The following METTL9 variants were observed in gnomAD, a reference collection of about 807,000 sequenced individuals.
The protein encoded by METTL9 is methyltransferase 9, His-X-His N1(pi)-histidine.
In METTL9, 10 loss-of-function variants were observed where a neutral mutation model predicts 36.0. That is an observed-to-expected ratio of 0.28 (90% CI 0.17 to 0.47). The LOEUF (loss-of-function observed/expected upper bound fraction) is 0.47, where lower values mean the gene tolerates loss of function less well. Among genes scored for constraint, METTL9 ranks in the 20% least tolerant of loss-of-function variants. METTL9 has a pLI of 0.99. For missense variants in METTL9, 246 were observed against 383.5 expected (o/e 0.64, Z 3.00); for synonymous variants, 175 against 149.7 (o/e 1.17, Z -1.23).
At chr16:21,619,911 T>C (rs866771702) in intron 3 of METTL9, among the ~76,000 whole-genome samples, 36 of 152,182 alleles carry the variant, frequency 2.4e-4, no homozygotes, top group African/African-American at 8.7e-4. Flanking sequence ...CACTTTCCTA[T>C]CCACATGTTT....
rs1965901537 is a variant in METTL9, at chr16:21,629,725, A to G, written c.751+4610A>G. ...AAAGAACAAAGCTTCCTCAGCATGG[A>G]TGGGGACCCAGCAGGTTGGTGCTGC... is the stretch of plus-strand genomic sequence containing the variant. On this transcript the variant is annotated intron_variant, in intron 4 of 4. Coordinates refer to ENST00000358154, the MANE Select transcript of METTL9 (RefSeq NM_016025.5). Among the ~76,000 whole-genome samples, 3 of 152,146 alleles carry G rather than the reference A, an allele frequency of 2.0e-5. No individual in the cohort carries two copies. In the South Asian group the frequency reaches 6.2e-4, roughly 32 times the overall value.
intron 2 of METTL9, 139 bp downstream of exon 2, chr16:21,612,974 G>T (rs1965463295): frequency 2.8e-6 from 2 of 712,078 alleles, no homozygotes; most frequent in South Asian, 4.4e-5. Flanking sequence ...TTGGCAGTTG[G>T]TCCAGCGTTC....
chr16:21,621,728 AAAACT>A (rs1370474462), intron 3 of METTL9, among the ~76,000 whole-genome samples: 5 of 152,312 alleles, frequency 3.3e-5, no homozygotes, highest in South Asian at 2.1e-4. Flanking sequence ...ACCCAATTGT[AAAACT>A]AAAGGATGTG....
chr16:21,652,703 A>G, intron 4 of METTL9: 1 of 786,684 alleles, frequency 1.3e-6, no homozygotes, highest in Non-Finnish European at 2.1e-6. Context: ...TTATGAAGGA[A>G]CCATAATCAG....
intron 2 of METTL9, 79 bp from the exon 3 acceptor site, chr16:21,617,786 C>T (rs1038323398): frequency 8.1e-7 from 1 of 1,239,248 alleles, no homozygotes. Flanking sequence ...TGCTGAGTCA[C>T]TATATTCACT....
In METTL9 at chr16:21,656,601, C is replaced by T. The variant is rs1401041630; in HGVS notation, c.*1169C>T. 1 of 152,150 alleles carries T rather than the reference C, an allele frequency of 6.6e-6. No homozygotes were observed. 9.4% of individuals were successfully genotyped at this position (152,150 alleles called of 1,614,324 possible). A position where few individuals can be genotyped will look rare whatever the true frequency, so the allele number is the denominator to read the frequency against. ...GAGCATTTAACCCAGAATCTGAAAT[C>T]TCAGTAATAACAGAAATGTCAATAT... On this transcript the variant is annotated 3_prime_UTR_variant, in exon 5 of 5. Transcript: ENST00000358154.
chr16:21,625,143 TACTG>T, intron 4 of METTL9, 28 bp downstream of exon 4: 1 of 1,607,184 alleles, frequency 6.2e-7, no homozygotes, highest in Non-Finnish European at 8.5e-7. Context: ...GGCTAGCTCT[TACTG>T]AGGATAGCTG....
At chr16:21,627,995 T>G (rs1471228459) in intron 4 of METTL9, among the ~76,000 whole-genome samples, 6 of 152,120 alleles carry the variant, frequency 3.9e-5, no homozygotes, top group Non-Finnish European at 8.8e-5. Flanking sequence ...CCAGTCCAGT[T>G]CCACAATCTT....
At chr16:21,624,185 C>T (rs1414555171) in intron 3 of METTL9, among the ~76,000 whole-genome samples, 1 of 152,130 alleles carries the variant, frequency 6.6e-6, no homozygotes, top group Non-Finnish European at 1.5e-5. Context: ...TATACCACTC[C>T]CAGCCATTTT....
intron 4 of METTL9, 144 bp downstream of exon 4, chr16:21,625,259 C>T (rs1401787164): frequency 3.4e-6 from 3 of 883,960 alleles, no homozygotes; most frequent in Non-Finnish European, 5.3e-6. Context: ...CCATGTAAAA[C>T]ACCATCTTGG....
chr16:21,645,770 C>T (rs1302104067), intron 4 of METTL9, among the ~76,000 whole-genome samples: 1 of 152,214 alleles, frequency 6.6e-6, no homozygotes, highest in Non-Finnish European at 1.5e-5. Context: ...ACATACAAAT[C>T]TCTAAAGCTG....
chr16:21,613,111 G>T (rs1965468306), intron 2 of METTL9, among the ~76,000 whole-genome samples: 1 of 146,086 alleles, frequency 6.8e-6, no homozygotes. Context: ...TCACCTGGGG[G>T]TCTTGTTAAA....
intron 4 of METTL9, among the ~76,000 whole-genome samples, chr16:21,633,704 C>T (rs946071025): frequency 1.3e-5 from 2 of 152,126 alleles, no homozygotes; most frequent in African/African-American, 2.4e-5. Context: ...CTCCACTGAC[C>T]GTTCAGTTTC....
chr16:21,599,657 G>A lies in METTL9; in HGVS notation c.-77G>A. On this transcript the variant is annotated 5_prime_UTR_variant, in exon 1 of 5. Coordinates refer to ENST00000358154, the MANE Select transcript of METTL9 (RefSeq NM_016025.5). The surrounding 1 kb of genome is among the most constrained non-coding windows in gnomAD (Gnocchi z 4.4). ...TGGCTCGAGCTCGGGCGGTGGCGGC[G>A]GTGGCCGGAGGCGGCGGTGCCTCCT... 1 of 1,349,958 alleles carries A rather than the reference G, an allele frequency of 7.4e-7. No homozygotes were observed. Among genetic ancestry groups the A allele is most frequent in the Non-Finnish European group, 9.4e-7 (1 of 1,060,338 alleles). 83.6% of individuals were successfully genotyped at this position (1,349,958 alleles called of 1,614,324 possible).
At chr16:21,616,215 G>C (rs1597749968) in intron 2 of METTL9, among the ~76,000 whole-genome samples, 1 of 152,156 alleles carries the variant, frequency 6.6e-6, no homozygotes. Flanking sequence ...GCCACTTCCT[G>C]GACCAGTGGT....
intron 4 of METTL9, chr16:21,647,632 A>G: frequency 9.0e-7 from 1 of 1,112,066 alleles, no homozygotes; most frequent in South Asian, 1.7e-5. Flanking sequence ...AAAAATAAAC[A>G]CCAGTGGTCC....
At chr16:21,619,589 T>A (rs1021600589) in intron 3 of METTL9, among the ~76,000 whole-genome samples, 1 of 143,304 alleles carries the variant, frequency 7.0e-6, no homozygotes, top group Non-Finnish European at 1.5e-5. Context: ...CCCGGCTAAT[T>A]TTTTTTTTTT....
At chr16:21,610,087 A>AT (rs1965391857) in intron 1 of METTL9, among the ~76,000 whole-genome samples, 1 of 152,160 alleles carries the variant, frequency 6.6e-6, no homozygotes, top group Admixed American at 6.5e-5. Flanking sequence ...ACCAGTATTA[A>AT]TTTTGGAACA....
intron 4 of METTL9, chr16:21,641,416 C>A: frequency 2.0e-6 from 1 of 492,626 alleles, no homozygotes; most frequent in Non-Finnish European, 3.6e-6. Context: ...TCTTTGTAGC[C>A]AGTTGTCTTT....
Sources: allele counts gnomAD v4.1 joint callset (sites outside exome capture counted in the v4.1 genomes callset), GRCh38; gene constraint gnomAD v4.1.1; non-coding constraint Gnocchi (gnomAD v3.1); transcripts MANE v1.5; gene names NCBI Gene and HGNC (gene_info 2026-07-23, HGNC 2026-07-21).